The following ADORA2B variants were observed in gnomAD, a reference collection of about 807,000 sequenced individuals.
The protein encoded by ADORA2B is adenosine receptor A2b.
Under a neutral mutation model 20.8 loss-of-function variants are expected in ADORA2B, and 18 were observed. The observed-to-expected ratio is 0.87, with a 90% CI of 0.60 to 1.29. ADORA2B has a LOEUF of 1.29. ADORA2B is among the 50% of genes most tolerant of loss of function. The pLI, the probability that ADORA2B is intolerant of heterozygous loss-of-function variation, is 0.00. For synonymous variants in ADORA2B, 179 were observed against 178.3 expected (o/e 1.00, Z -0.03); for missense variants, 441 against 422.7 (o/e 1.04, Z -0.38).
At chr17:15,864,494 A>C in the ADORA2B span, among the ~76,000 whole-genome samples, 3 of 151,566 alleles carry the variant, frequency 2.0e-5, no homozygotes, top group African/African-American at 7.3e-5. Context: ...ATGCCCAGGC[A>C]CAAGGGAGGA....
At chr17:15,932,009 G>A in the ADORA2B span, among the ~76,000 whole-genome samples, 1 of 152,106 alleles carries the variant, frequency 6.6e-6, no homozygotes, top group East Asian at 1.9e-4. Context: ...GGGATTACAG[G>A]TGTGAACCAC....
the ADORA2B span, among the ~76,000 whole-genome samples, chr17:15,867,932 G>A: frequency 3.3e-5 from 5 of 151,896 alleles, no homozygotes; most frequent in East Asian, 1.9e-4. Flanking sequence ...AATAGAAAGG[G>A]GGGAAAGGTG....
the ADORA2B span, among the ~76,000 whole-genome samples, chr17:15,904,513 G>C: frequency 2.7e-5 from 4 of 149,844 alleles, no homozygotes; most frequent in Non-Finnish European, 4.4e-5. Flanking sequence ...TCAGCCTCCC[G>C]GGTAACTGGG....
the ADORA2B span, among the ~76,000 whole-genome samples, chr17:15,864,575 A>G: frequency 6.6e-6 from 1 of 152,152 alleles, no homozygotes; most frequent in Non-Finnish European, 1.5e-5. Context: ...TTATTAGGCA[A>G]TGTGCGGAAA....
At chr17:15,911,864 G>C in the ADORA2B span, among the ~76,000 whole-genome samples, 4 of 152,130 alleles carry the variant, frequency 2.6e-5, no homozygotes, top group South Asian at 8.3e-4. Context: ...AGGAGTTCAA[G>C]ATCAGCCTGG....
At chr17:15,911,928 G>T in the ADORA2B span, among the ~76,000 whole-genome samples, 1 of 152,080 alleles carries the variant, frequency 6.6e-6, no homozygotes, top group African/African-American at 2.4e-5. Flanking sequence ...AATTAGCCAG[G>T]CCAGCTGAGT....
chr17:15,898,403 C>T, the ADORA2B span, among the ~76,000 whole-genome samples: 31,985 of 151,366 alleles, frequency 0.21, 3,922 homozygotes, highest in Non-Finnish European at 0.28. Context: ...AAGCGATTCT[C>T]CTGCATCAGC....
chr17:15,888,587 C>G, the ADORA2B span, among the ~76,000 whole-genome samples: 5 of 125,786 alleles, frequency 4.0e-5, 2 homozygotes, highest in Non-Finnish European at 8.3e-5. Flanking sequence ...TCTGTAACAT[C>G]TTTAACCTAT....
At chr17:15,929,172 G>A in the ADORA2B span, among the ~76,000 whole-genome samples, 4 of 152,134 alleles carry the variant, frequency 2.6e-5, no homozygotes, top group East Asian at 5.8e-4. Flanking sequence ...TGATGACACC[G>A]TGAGTTGACA....
chr17:15,877,653 G>A, the ADORA2B span, among the ~76,000 whole-genome samples: 1 of 152,216 alleles, frequency 6.6e-6, no homozygotes, highest in South Asian at 2.1e-4. Flanking sequence ...TATCACTTGT[G>A]CCTCAACTGC....
the ADORA2B span, among the ~76,000 whole-genome samples, chr17:15,852,512 A>G: frequency 6.6e-6 from 1 of 152,210 alleles, no homozygotes; most frequent in African/African-American, 2.4e-5. Context: ...CTAAGTATAC[A>G]AATAGATAAT....
chr17:15,917,537 C>T, the ADORA2B span, among the ~76,000 whole-genome samples: 1 of 152,232 alleles, frequency 6.6e-6, no homozygotes, highest in African/African-American at 2.4e-5. Flanking sequence ...CCCGAGGACC[C>T]CTTCCCCCTG....
chr17:15,876,449 C>CTTTT, the ADORA2B span, among the ~76,000 whole-genome samples: 1 of 119,298 alleles, frequency 8.4e-6, no homozygotes, highest in Non-Finnish European at 1.7e-5. Flanking sequence ...TTTCTTTTTT[C>CTTTT]TTTTTTTTTT....
chr17:15,946,237 T>C (rs1224492288), intron 1 of ADORA2B, among the ~76,000 whole-genome samples: 1 of 152,236 alleles, frequency 6.6e-6, no homozygotes, highest in African/African-American at 2.4e-5. Flanking sequence ...GTTACAATGC[T>C]TCCTCGTGTC....
chr17:15,960,894 G>A (rs538793821), intron 1 of ADORA2B, among the ~76,000 whole-genome samples: 4 of 148,538 alleles, frequency 2.7e-5, no homozygotes, highest in East Asian at 4.1e-4. Flanking sequence ...AAGTCTGGGC[G>A]CAGTAGCTCA....
the ADORA2B span, among the ~76,000 whole-genome samples, chr17:15,895,277 T>C: frequency 6.6e-6 from 1 of 152,212 alleles, no homozygotes; most frequent in Admixed American, 6.5e-5. Flanking sequence ...GTACCATGCC[T>C]ATCGAATTTG....
chr17:15,974,852 AGT>A lies in ADORA2B; in HGVS notation c.512_513del (p.Cys171SerfsTer3), dbSNP rs1233740097. 1 of 1,614,090 alleles carries A rather than the reference AGT, an allele frequency of 6.2e-7. No homozygotes were observed. The highest frequency in any genetic ancestry group is 1.7e-5 in the Admixed American group (1 of 60,006). ...ACGAATGAAAGCTGCTGCCTTGTGA[AGT>A]GTCTCTTTGAGAATGTGGTCCCCAT... is the stretch of plus-strand genomic sequence containing the variant. On this transcript the variant is annotated frameshift_variant, in exon 2 of 2. Transcript: ENST00000304222. LOFTEE classifies it high-confidence loss of function.
chr17:15,866,683 C>A, the ADORA2B span, among the ~76,000 whole-genome samples: 948 of 129,614 alleles, frequency 7.3e-3, 8 homozygotes, highest in African/African-American at 0.024. Flanking sequence ...TCTTTTGGCT[C>A]TCCCTCTGCC....
the ADORA2B span, chr17:15,864,063 G>A: frequency 9.6e-6 from 2 of 208,138 alleles, no homozygotes; most frequent in Non-Finnish European, 2.1e-5. Context: ...AGTGTGGAAA[G>A]AAGAAACCCT....
Sources: allele counts gnomAD v4.1 joint callset (sites outside exome capture counted in the v4.1 genomes callset), GRCh38; gene constraint gnomAD v4.1.1; transcripts MANE v1.5; gene names NCBI Gene and HGNC (gene_info 2026-07-23, HGNC 2026-07-21).